The following LNP1 variants were observed in gnomAD, a reference collection of about 807,000 sequenced individuals.
LNP1 encodes leukemia NUP98 fusion partner 1.
A neutral mutation model predicts 14.5 loss-of-function variants in LNP1; 12 were observed. The observed-to-expected ratio is 0.83, with a 90% CI of 0.53 to 1.34. The LOEUF (loss-of-function observed/expected upper bound fraction) is 1.34. Ranked by LOEUF, LNP1 falls within the 40% of genes most tolerant of loss-of-function variation. The pLI is 0.00. For synonymous variants in LNP1, 75 were observed against 71.4 expected (o/e 1.05, Z -0.26); for missense variants, 198 against 210.9 (o/e 0.94, Z 0.38).
At chr3:100,416,600 TGTG>T in intron 1 of LNP1, among the ~76,000 whole-genome samples, 1 of 46,326 alleles carries the variant, frequency 2.2e-5, no homozygotes, top group South Asian at 5.7e-4. Flanking sequence ...ATATCTTTTT[TGTG>T]TGTGTGTGTG....
At chr3:100,418,220 C>A (rs376180146) in intron 1 of LNP1, among the ~76,000 whole-genome samples, 41 of 151,260 alleles carry the variant, frequency 2.7e-4, no homozygotes, top group African/African-American at 9.5e-4. Flanking sequence ...CCACCACACC[C>A]GGCTAATTTT....
At chr3:100,429,918 C>T in intron 2 of LNP1, 33 bp downstream of exon 2, 1 of 1,597,736 alleles carries the variant, frequency 6.3e-7, no homozygotes, top group Non-Finnish European at 8.5e-7. Context: ...GAGGGGAGAG[C>T]TGGAATAGGG....
At chr3:100,426,688 C>T (rs1056803582) in intron 1 of LNP1, among the ~76,000 whole-genome samples, 6 of 152,110 alleles carry the variant, frequency 3.9e-5, no homozygotes, top group African/African-American at 1.4e-4. Context: ...ATGTTGTCTA[C>T]CTTTTCCCAT....
At chr3:100,403,549 C>G (rs893107035) in intron 1 of LNP1, among the ~76,000 whole-genome samples, 1 of 152,040 alleles carries the variant, frequency 6.6e-6, no homozygotes, top group African/African-American at 2.4e-5. Flanking sequence ...ACTGCAGCCT[C>G]TGCCTGCAGG....
chr3:100,411,711 CAG>C (rs750412516), intron 1 of LNP1, among the ~76,000 whole-genome samples: 1 of 151,876 alleles, frequency 6.6e-6, no homozygotes, highest in Admixed American at 6.6e-5. Flanking sequence ...TGTATGCATG[CAG>C]AGAGAGAGAG....
intron 1 of LNP1, among the ~76,000 whole-genome samples, chr3:100,409,606 A>ATT (rs201827312): frequency 5.5e-4 from 68 of 124,460 alleles, no homozygotes; most frequent in Middle Eastern, 4.2e-3. Context: ...ATATATATAT[A>ATT]TTTTTTTTTT....
At chr3:100,438,121 A>G (rs1411594068) in intron 2 of LNP1, among the ~76,000 whole-genome samples, 1 of 152,092 alleles carries the variant, frequency 6.6e-6, no homozygotes, top group Non-Finnish European at 1.5e-5. Context: ...GATCTTTCTC[A>G]TTATGTCTCA....
intron 1 of LNP1, among the ~76,000 whole-genome samples, chr3:100,420,300 GCCTTCCTT>G (rs554541539): frequency 6.6e-6 from 1 of 151,822 alleles, no homozygotes; most frequent in African/African-American, 2.4e-5. Context: ...TTGCCTGCCT[GCCTTCCTT>G]CCTTCCTTCC....
At chr3:100,440,611 A>G (rs1429605570) in intron 2 of LNP1, among the ~76,000 whole-genome samples, 4 of 152,202 alleles carry the variant, frequency 2.6e-5, no homozygotes, top group Admixed American at 1.3e-4. Flanking sequence ...AAATATTAAC[A>G]TTCGTAACCA....
chr3:100,443,177 G>GA (rs1234370017), intron 2 of LNP1, among the ~76,000 whole-genome samples: 1 of 151,898 alleles, frequency 6.6e-6, no homozygotes, highest in Non-Finnish European at 1.5e-5. Flanking sequence ...AAAACATGGG[G>GA]AAAAAAAGAA....
At chr3:100,455,636 T>C (rs1400364666) in intron 3 of LNP1, 141 bp from the exon 4 acceptor site, 1 of 776,984 alleles carries the variant, frequency 1.3e-6, no homozygotes, top group Non-Finnish European at 2.2e-6. Flanking sequence ...TCCTTAGGTT[T>C]ATGCTAATTT....
intron 2 of LNP1, among the ~76,000 whole-genome samples, chr3:100,450,031 A>G (rs1707423205): frequency 1.3e-5 from 2 of 152,106 alleles, no homozygotes; most frequent in Non-Finnish European, 2.9e-5. Context: ...GTCAAAATAA[A>G]AAAACTTTCC....
rs377046586 is a variant in LNP1, at chr3:100,429,721, C to A, written c.-9C>A. 10 of 1,611,832 alleles carry A rather than the reference C, an allele frequency of 6.2e-6. No homozygotes were observed. The African/African-American group carries it at 1.3e-4, about 22-fold the overall frequency. On this transcript the variant is annotated 5_prime_UTR_variant, in exon 2 of 4. Coordinates refer to ENST00000383693, the MANE Select transcript of LNP1 (RefSeq NM_001085451.2). Reference sequence around the variant, plus strand: ...GGGACAGGCCTTCAGTATTTGGCATCACCTTTACATGGAGCACAAAGATGA... The same window carrying A: ...GGGACAGGCCTTCAGTATTTGGCATAACCTTTACATGGAGCACAAAGATGA...
intron 2 of LNP1, among the ~76,000 whole-genome samples, chr3:100,435,740 A>G (rs1272178667): frequency 6.6e-6 from 1 of 152,166 alleles, no homozygotes; most frequent in Non-Finnish European, 1.5e-5. Flanking sequence ...GGAGCTGTGA[A>G]TATTCGTGAA....
intron 1 of LNP1, among the ~76,000 whole-genome samples, chr3:100,425,719 A>C (rs984037310): frequency 1.3e-5 from 2 of 152,228 alleles, no homozygotes; most frequent in African/African-American, 4.8e-5. Context: ...ATAGAAAATC[A>C]TTGTTTCATG....
chr3:100,421,703 A>G (rs1356561066), intron 1 of LNP1, among the ~76,000 whole-genome samples: 1 of 152,200 alleles, frequency 6.6e-6, no homozygotes, highest in African/African-American at 2.4e-5. Context: ...TGTAAAAAAG[A>G]GAGAAATTTC....
At chr3:100,431,568 C>G (rs774312548) in intron 2 of LNP1, among the ~76,000 whole-genome samples, 11 of 152,038 alleles carry the variant, frequency 7.2e-5, no homozygotes, top group Non-Finnish European at 1.5e-4. Flanking sequence ...ATCAGAGGAA[C>G]CAGAGGTCAA....
At chr3:100,449,137 T>C (rs961589952) in intron 2 of LNP1, among the ~76,000 whole-genome samples, 3 of 152,228 alleles carry the variant, frequency 2.0e-5, no homozygotes, top group Non-Finnish European at 2.9e-5. Context: ...ACTACCTGTC[T>C]TTTAACCGGA....
intron 1 of LNP1, among the ~76,000 whole-genome samples, chr3:100,418,117 T>C (rs951895227): frequency 6.6e-5 from 10 of 150,644 alleles, no homozygotes; most frequent in Non-Finnish European, 4.4e-5. Flanking sequence ...TGGAGTGCAG[T>C]GGTGTGAGCT....
Sources: allele counts gnomAD v4.1 joint callset (sites outside exome capture counted in the v4.1 genomes callset), GRCh38; gene constraint gnomAD v4.1.1; transcripts MANE v1.5; gene names NCBI Gene and HGNC (gene_info 2026-07-23, HGNC 2026-07-21).